C14orf39: variants seen among roughly 807,000 people sequenced by gnomAD.
C14orf39 encodes protein SIX6OS1.
In C14orf39, 66 loss-of-function variants were observed where a neutral mutation model predicts 85.6. That is an observed-to-expected ratio of 0.77 (90% CI 0.63 to 0.95). The LOEUF (loss-of-function observed/expected upper bound fraction) is 0.95. Among genes scored for constraint, C14orf39 ranks in the 40% least tolerant of loss-of-function variants. The probability of loss-of-function intolerance (pLI) is 0.00; values close to 1 mark genes in which losing one functional copy is unlikely to be tolerated. For synonymous variants in C14orf39, 242 were observed against 214.0 expected (o/e 1.13, Z -1.14); for missense variants, 735 against 663.9 (o/e 1.11, Z -1.18).
chr14:60,476,868 T>C (rs1430876952), intron 5 of C14orf39, among the ~76,000 whole-genome samples: 1 of 144,820 alleles, frequency 6.9e-6, no homozygotes, highest in Non-Finnish European at 1.5e-5. Flanking sequence ...ATTGACCTGT[T>C]TTTTTAAATG....
At chr14:60,488,886 T>C (rs747604000), upstream of C14orf39, among the ~76,000 whole-genome samples, 3 of 152,078 alleles carry the variant, frequency 2.0e-5, no homozygotes, top group Non-Finnish European at 4.4e-5. Context: ...CTCTCTGCAA[T>C]CCTGACTTCC....
chr14:60,479,858 T>C (rs1378955050), intron 4 of C14orf39, among the ~76,000 whole-genome samples: 1 of 152,166 alleles, frequency 6.6e-6, no homozygotes, highest in Non-Finnish European at 1.5e-5. Context: ...CCAAAACTCA[T>C]TTAACCAGTT....
At chr14:60,472,732 A>T (rs1189141587) in intron 5 of C14orf39, among the ~76,000 whole-genome samples, 1 of 152,036 alleles carries the variant, frequency 6.6e-6, no homozygotes, top group Non-Finnish European at 1.5e-5. Context: ...AAGGACATGA[A>T]CTCATCATTT....
At chr14:60,503,632 C>T (rs1176185907) in intron 1 of C14orf39, among the ~76,000 whole-genome samples, 4 of 152,202 alleles carry the variant, frequency 2.6e-5, no homozygotes, top group Non-Finnish European at 4.4e-5. Flanking sequence ...CAATAACTTT[C>T]AACCATTGTT....
At chr14:60,440,776 CTCCT>C (rs996938583) in intron 17 of C14orf39, among the ~76,000 whole-genome samples, 8 of 152,176 alleles carry the variant, frequency 5.3e-5, no homozygotes, top group African/African-American at 1.9e-4. Context: ...CCACCAGTCT[CTCCT>C]TCCTTATTCC....
At chr14:60,483,636 C>T in intron 4 of C14orf39, 55 bp downstream of exon 4, 2 of 1,493,626 alleles carry the variant, frequency 1.3e-6, no homozygotes, top group Non-Finnish European at 9.1e-7. Flanking sequence ...CAACTGTAAA[C>T]TCAAAAACCC....
chr14:60,509,357 C>G, intron 1 of C14orf39: 9 of 1,559,200 alleles, frequency 5.8e-6, no homozygotes, highest in Non-Finnish European at 7.9e-6. Flanking sequence ...CTGCGTGTCC[C>G]GCTCCGGGCT....
chr14:60,510,112 G>T, intron 1 of C14orf39: 1 of 748,348 alleles, frequency 1.3e-6, no homozygotes, highest in East Asian at 2.7e-5. Context: ...AGAGCCCTGC[G>T]TTCTGGGCTC....
intron 1 of C14orf39, among the ~76,000 whole-genome samples, chr14:60,500,037 AT>A (rs1307108254): frequency 1.3e-5 from 2 of 151,954 alleles, no homozygotes; most frequent in South Asian, 2.1e-4. Context: ...TTTATTTTTT[AT>A]TTTTTTGAGA....
chr14:60,474,914 A>T (rs1268718943), intron 5 of C14orf39, among the ~76,000 whole-genome samples: 1 of 152,240 alleles, frequency 6.6e-6, no homozygotes, highest in African/African-American at 2.4e-5. Context: ...TGCTGGCCTC[A>T]TAAAATGAGT....
chr14:60,513,612 T>C (rs1452321170), intron 1 of C14orf39, among the ~76,000 whole-genome samples: 2 of 152,204 alleles, frequency 1.3e-5, no homozygotes, highest in African/African-American at 4.8e-5. Context: ...AAATTTTCTC[T>C]TAAGTTTATG....
intron 4 of C14orf39, among the ~76,000 whole-genome samples, chr14:60,480,368 G>A (rs559230164): frequency 3.3e-5 from 5 of 152,138 alleles, no homozygotes; most frequent in Admixed American, 6.5e-5. Flanking sequence ...GGAGGAGGTC[G>A]CAGTGAGTGA....
At chr14:60,483,857 A>C in intron 3 of C14orf39, 40 bp from the exon 4 acceptor site, 1 of 1,368,464 alleles carries the variant, frequency 7.3e-7, no homozygotes, top group Non-Finnish European at 1.0e-6. Context: ...TGTAGAAATA[A>C]TAAGTTCAAA....
At position 60,466,191 on chromosome 14, in the gene C14orf39, ATGAAAT is replaced by A. The variant is rs560940725; in HGVS notation, c.896-142_896-137del. The A allele has an allele frequency of 1.0e-4, 45 of 431,108 alleles. No individual in the cohort carries two copies. The East Asian group carries it at 1.5e-3, about 14-fold the overall frequency. 26.7% of individuals were successfully genotyped at this position (431,108 alleles called of 1,614,324 possible). ...TTAATTTAAATTAAAATACGGAATT[ATGAAAT>A]TATTTTAAAACTCTTAATTCCTTAC... On this transcript the variant is annotated intron_variant, in intron 10 of 17. Coordinates refer to ENST00000321731, the MANE Select transcript of C14orf39 (RefSeq NM_174978.3).
chr14:60,450,984 A>T (rs982539438), intron 16 of C14orf39, among the ~76,000 whole-genome samples: 51 of 152,334 alleles, frequency 3.3e-4, no homozygotes, highest in African/African-American at 1.1e-3. Flanking sequence ...AGCCTCCTCA[A>T]GAAAGACAGG....
At chr14:60,462,823 T>C (rs1332861716) in intron 11 of C14orf39, among the ~76,000 whole-genome samples, 1 of 152,094 alleles carries the variant, frequency 6.6e-6, no homozygotes, top group Non-Finnish European at 1.5e-5. Context: ...CAGCTATCGT[T>C]AGTGTTAGTG....
At chr14:60,507,972 G>C (rs1023777407) in intron 1 of C14orf39, among the ~76,000 whole-genome samples, 1 of 152,100 alleles carries the variant, frequency 6.6e-6, no homozygotes, top group Non-Finnish European at 1.5e-5. Flanking sequence ...AAAATGGTAT[G>C]ATGTGGACTG....
chr14:60,448,945 C>A (rs1239466116), intron 16 of C14orf39, among the ~76,000 whole-genome samples: 1 of 152,068 alleles, frequency 6.6e-6, no homozygotes. Flanking sequence ...GACAGAAAAC[C>A]AAACACCGCA....
intron 1 of C14orf39, among the ~76,000 whole-genome samples, chr14:60,508,326 C>T (rs776730084): frequency 1.3e-5 from 2 of 152,104 alleles, no homozygotes; most frequent in Non-Finnish European, 2.9e-5. Flanking sequence ...AATGACTTCT[C>T]GGCTCTAGAT....
Sources: allele counts gnomAD v4.1 joint callset (sites outside exome capture counted in the v4.1 genomes callset), GRCh38; gene constraint gnomAD v4.1.1; transcripts MANE v1.5; gene names NCBI Gene and HGNC (gene_info 2026-07-23, HGNC 2026-07-21).